GPM6A: variants seen among roughly 807,000 people sequenced by gnomAD.
GPM6A encodes the protein neuronal membrane glycoprotein M6-a.
In GPM6A, 7 loss-of-function variants were observed where a neutral mutation model predicts 32.1. The ratio of observed to expected loss-of-function variants is 0.22; its 90% CI spans 0.12 to 0.41. The LOEUF (loss-of-function observed/expected upper bound fraction) is 0.41. GPM6A is among the 10% of genes least tolerant of loss of function. The pLI, the probability that GPM6A is intolerant of heterozygous loss-of-function variation, is 1.00. For synonymous variants in GPM6A, 130 were observed against 123.4 expected (o/e 1.05, Z -0.35); for missense variants, 235 against 347.2 (o/e 0.68, Z 2.57).
intron 1 of GPM6A, among the ~76,000 whole-genome samples, chr4:175,823,123 A>G (rs1579541742): frequency 6.6e-6 from 1 of 152,196 alleles, no homozygotes; most frequent in Non-Finnish European, 1.5e-5. Flanking sequence ...AGGTTAAGCA[A>G]CTTTCTCAAG....
chr4:175,908,188 T>G (rs918392253), intron 1 of GPM6A, among the ~76,000 whole-genome samples: 2 of 152,212 alleles, frequency 1.3e-5, no homozygotes, highest in African/African-American at 4.8e-5. Context: ...TGTCTAGTGA[T>G]AATTTTTTAA....
intron 3 of GPM6A, among the ~76,000 whole-genome samples, chr4:175,671,916 C>T (rs1022782000): frequency 2.2e-4 from 17 of 75,742 alleles, no homozygotes; most frequent in Non-Finnish European, 5.4e-4. Flanking sequence ...TGGAGGAGCC[C>T]ACGCAGCAGC....
At chr4:175,772,986 C>T (rs1011150750) in intron 1 of GPM6A, among the ~76,000 whole-genome samples, 3 of 152,202 alleles carry the variant, frequency 2.0e-5, no homozygotes, top group Non-Finnish European at 4.4e-5. Flanking sequence ...TGGAATAAAT[C>T]AGCATACTAA....
intron 1 of GPM6A, among the ~76,000 whole-genome samples, chr4:175,870,340 A>C (rs1014322706): frequency 7.2e-5 from 11 of 152,138 alleles, no homozygotes; most frequent in Non-Finnish European, 1.0e-4. Context: ...CTGTGTAAGT[A>C]AGCTATCCTA....
chr4:175,646,032 T>C (rs1375655726), intron 4 of GPM6A, among the ~76,000 whole-genome samples: 5 of 152,192 alleles, frequency 3.3e-5, no homozygotes, highest in African/African-American at 4.8e-5. Context: ...TGCCTCTGAA[T>C]GACTCCTCTC....
intron 1 of GPM6A, among the ~76,000 whole-genome samples, chr4:175,825,904 G>T (rs1278750659): frequency 6.6e-6 from 1 of 152,130 alleles, no homozygotes; most frequent in Admixed American, 6.5e-5. Context: ...TCTTGGCTGG[G>T]TGCGGTGGCT....
chr4:175,926,579 A>C (rs28826927), intron 1 of GPM6A, among the ~76,000 whole-genome samples: 5,517 of 152,270 alleles, frequency 0.036, 376 homozygotes, highest in African/African-American at 0.12. Context: ...ATTTTCTAAT[A>C]TGATAATCTG....
chr4:175,865,311 T>C (rs1241569224), intron 1 of GPM6A, among the ~76,000 whole-genome samples: 2 of 152,230 alleles, frequency 1.3e-5, no homozygotes, highest in East Asian at 1.9e-4. Flanking sequence ...TCTAACATTA[T>C]GGCAATACCA....
chr4:175,792,029 T>A (rs1366318909), intron 1 of GPM6A, among the ~76,000 whole-genome samples: 1 of 152,190 alleles, frequency 6.6e-6, no homozygotes, highest in African/African-American at 2.4e-5. Flanking sequence ...AAAATTAGCA[T>A]TGACATAAAA....
intron 6 of GPM6A, among the ~76,000 whole-genome samples, chr4:175,637,885 T>TTATA (rs137911086): frequency 0.017 from 2,030 of 122,836 alleles, 71 homozygotes; most frequent in African/African-American, 0.059. Flanking sequence ...TATTTATATA[T>TTATA]TATATATATA....
At chr4:175,869,358 A>T (rs749072594) in intron 1 of GPM6A, among the ~76,000 whole-genome samples, 1 of 152,182 alleles carries the variant, frequency 6.6e-6, no homozygotes, top group Non-Finnish European at 1.5e-5. Flanking sequence ...CTTTATAATA[A>T]TATGTGATTC....
intron 2 of GPM6A, among the ~76,000 whole-genome samples, chr4:175,687,463 T>C (rs1744049788): frequency 6.6e-6 from 1 of 152,112 alleles, no homozygotes; most frequent in Non-Finnish European, 1.5e-5. Flanking sequence ...CTTAGTGTAA[T>C]GTCCTTGAAC....
intron 1 of GPM6A, among the ~76,000 whole-genome samples, chr4:175,828,289 T>C (rs13142244): frequency 0.96 from 146,167 of 152,286 alleles, 70,453 homozygotes; most frequent in East Asian, 1. Context: ...AGAAACCACA[T>C]GGAAATATTT....
At chr4:175,814,973 C>T (rs949983866), upstream of GPM6A, among the ~76,000 whole-genome samples, 1 of 152,138 alleles carries the variant, frequency 6.6e-6, no homozygotes, top group Non-Finnish European at 1.5e-5. Flanking sequence ...CTCCTCCTTT[C>T]CCCTTCCTCC....
At chr4:175,640,679 T>A in intron 5 of GPM6A, 74 bp downstream of exon 5, 1 of 1,008,578 alleles carries the variant, frequency 9.9e-7, no homozygotes. Context: ...TAGATTTAGT[T>A]TTAATACATT....
intron 1 of GPM6A, among the ~76,000 whole-genome samples, chr4:175,789,063 GTC>G (rs1272081574): frequency 6.6e-6 from 1 of 152,160 alleles, no homozygotes; most frequent in East Asian, 1.9e-4. Flanking sequence ...TGTAAAAAGA[GTC>G]TGCATTTGAA....
chr4:175,788,493 A>G (rs759349552), intron 1 of GPM6A, among the ~76,000 whole-genome samples: 2 of 152,208 alleles, frequency 1.3e-5, no homozygotes, highest in Non-Finnish European at 2.9e-5. Flanking sequence ...TTGAATCCCA[A>G]TACTTGAAAA....
At chr4:175,986,099 C>G (rs1235792906) in intron 1 of GPM6A, among the ~76,000 whole-genome samples, 4 of 152,196 alleles carry the variant, frequency 2.6e-5, no homozygotes, top group Non-Finnish European at 4.4e-5. Context: ...GCCACTGCAC[C>G]TGGCCTACAT....
intron 1 of GPM6A, among the ~76,000 whole-genome samples, chr4:175,855,416 T>G (rs1284557467): frequency 6.6e-6 from 1 of 152,104 alleles, no homozygotes; most frequent in Non-Finnish European, 1.5e-5. Flanking sequence ...CAGGAAAGAA[T>G]GCAGACTGTT....
Sources: gnomAD v4.1 joint callset for allele counts (sites outside exome capture counted in the v4.1 genomes callset) on GRCh38, gnomAD v4.1.1 for gene constraint, MANE v1.5 for transcripts, NCBI Gene and HGNC (gene_info 2026-07-23, HGNC 2026-07-21) for gene names.